NCAPG: variants seen among roughly 807,000 people sequenced by gnomAD.
NCAPG encodes the protein non-SMC condensin I complex subunit G.
A neutral mutation model predicts 113.1 loss-of-function variants in NCAPG; 69 were observed. The ratio of observed to expected loss-of-function variants is 0.61; its 90% CI spans 0.50 to 0.75. The LOEUF (loss-of-function observed/expected upper bound fraction) is 0.75. NCAPG is among the 30% of genes least tolerant of loss of function. The pLI, the probability that NCAPG is intolerant of heterozygous loss-of-function variation, is 0.00. For missense variants in NCAPG, 1,058 were observed against 1,177.0 expected, an observed-to-expected ratio of 0.90 and a Z score of 1.48; for synonymous variants, 370 against 415.8, an observed-to-expected ratio of 0.89 and a Z score of 1.34.
rs575974222 is a variant in NCAPG at position 17,811,065 on chromosome 4, G to A, written c.-13G>A. On this transcript the variant is annotated 5_prime_UTR_variant, in exon 1 of 21. Transcript: ENST00000251496. The surrounding 1 kb of genome is among the most constrained non-coding windows in gnomAD (Gnocchi z 5.3). Reference sequence around the variant, plus strand: ...AGCGCGGGCAGGACTCGTCCCGGCAGGGTTCCAGAGCCATGGGAGCGGAAA... The same window carrying A: ...AGCGCGGGCAGGACTCGTCCCGGCAAGGTTCCAGAGCCATGGGAGCGGAAA... 29 of 1,462,334 alleles carry A rather than the reference G, an allele frequency of 2.0e-5. No homozygotes were observed. The Admixed American group carries it at 7.2e-4, about 37-fold the overall frequency. The allele number at this position is 1,462,334 out of a possible 1,614,324, so 90.6% of individuals were successfully genotyped here. A position where few individuals can be genotyped will look rare whatever the true frequency, so the allele number is the denominator to read the frequency against.
intron 14 of NCAPG, among the ~76,000 whole-genome samples, chr4:17,834,957 G>A (rs1337401640): frequency 6.6e-5 from 10 of 152,136 alleles, no homozygotes; most frequent in Non-Finnish European, 1.0e-4. Flanking sequence ...TGATTAAAGT[G>A]GGTTGTTATT....
At chr4:17,819,549 G>A (rs1390125980) in intron 7 of NCAPG, among the ~76,000 whole-genome samples, 1 of 151,912 alleles carries the variant, frequency 6.6e-6, no homozygotes, top group African/African-American at 2.4e-5. Flanking sequence ...CTACAGGCAC[G>A]CGCCTCCATG....
At chr4:17,830,923 C>T in intron 12 of NCAPG, 74 bp from the exon 13 acceptor site, 1 of 1,450,862 alleles carries the variant, frequency 6.9e-7, no homozygotes, top group Non-Finnish European at 9.4e-7. Flanking sequence ...AAAAATGACA[C>T]CTTTGAGGTA....
intron 13 of NCAPG, 41 bp from the exon 14 acceptor site, chr4:17,834,258 T>A: frequency 7.7e-7 from 1 of 1,300,230 alleles, no homozygotes; most frequent in Non-Finnish European, 1.0e-6. Context: ...CAAAACAGTT[T>A]ACTGAATTTA....
In NCAPG at chr4:17,828,462, A is replaced by G. The variant is rs1721739539; in HGVS notation, c.1764+74A>G. 4 of 769,614 alleles carry G rather than the reference A, an allele frequency of 5.2e-6. No homozygotes were observed. The South Asian group carries it at 5.8e-5, about 11-fold the overall frequency. 47.7% of individuals were successfully genotyped at this position (769,614 alleles called of 1,614,324 possible). A position where few individuals can be genotyped will look rare whatever the true frequency, so the allele number is the denominator to read the frequency against. ...TTTGTAAGTGATATGTTCTTTAGAAATCAAAATAATGAAAAGATTACTGTC... is the reference window on the plus strand; with the variant it reads ...TTTGTAAGTGATATGTTCTTTAGAAGTCAAAATAATGAAAAGATTACTGTC... On this transcript the variant is annotated intron_variant, in intron 12 of 20. Transcript: ENST00000251496.
At chr4:17,827,368 G>A (rs1330885476) in intron 11 of NCAPG, among the ~76,000 whole-genome samples, 1 of 152,222 alleles carries the variant, frequency 6.6e-6, no homozygotes, top group Non-Finnish European at 1.5e-5. Context: ...GGATTGGAGA[G>A]TAGTAAAAGC....
chr4:17,836,439 AT>A, intron 14 of NCAPG, among the ~76,000 whole-genome samples: 1 of 152,114 alleles, frequency 6.6e-6, no homozygotes. Flanking sequence ...AACATTTTTA[AT>A]TTTGGAGATA....
At chr4:17,825,636 C>G (rs1348546972) in intron 11 of NCAPG, 75 bp downstream of exon 11, 1 of 1,280,708 alleles carries the variant, frequency 7.8e-7, no homozygotes, top group Non-Finnish European at 1.1e-6. Flanking sequence ...TCTCTAACTT[C>G]TAGAATTGCC....
Position 17,837,780 on chromosome 4 carries a change from C to G in NCAPG, c.2445C>G (p.Ala815=), listed in dbSNP as rs1344581651. 6.2e-7 allele frequency: 1 copy of G among 1,613,804 alleles called. No homozygotes were observed. ...GACCAAGTGGATTAAATCCTCAGGC[C>G]AAGACTTCCCAAGATTATCAGGTGA... ...LTRPSGLNPQ[A]KTSQDYQALT... The change falls in exon 16 of 21, where the codon GCC becomes GCG. Residue 815 remains alanine (A), a synonymous_variant. Coordinates refer to ENST00000251496, the MANE Select transcript of NCAPG (RefSeq NM_022346.5).
At position 17,823,173 on chromosome 4, in the gene NCAPG, T is replaced by C. The variant is rs188702654; in HGVS notation, c.1259+50T>C. On this transcript the variant is annotated intron_variant, in intron 8 of 20. Transcript: ENST00000251496. ...TCTAATTTGCCCTTCTAATTTCTTA[T>C]ATTGAAATATAGTCCTTTTACAATA... The C allele has an allele frequency of 1.3e-5, 19 of 1,507,352 alleles. 1 individual carries two copies. In the African/African-American group the frequency reaches 1.5e-4, roughly 12 times the overall value. The allele number at this position is 1,507,352 out of a possible 1,614,324, so 93.4% of individuals were successfully genotyped here.
In NCAPG at chr4:17,843,416, T is replaced by G. The variant is rs1722623444; in HGVS notation, c.3039T>G (p.Asp1013Glu). Residue 1013 changes from aspartate (D) to glutamate (E), a missense_variant, in exon 21 of 21, where the codon GAT (aspartate) becomes GAG (glutamate). By Grantham distance (45) the Asp-to-Glu change is conservative. Transcript: ENST00000251496. Reference protein sequence around the residue: ...KLNLAQFLNEDLS With the variant: ...KLNLAQFLNEELS ...ACCTTGCCCAATTTCTCAATGAAGA[T>G]CTAAGTTAGGAAAGACGATGGAGGT... The G allele has an allele frequency of 1.9e-6, 3 of 1,611,196 alleles. No individual in the cohort carries two copies. The highest frequency in any genetic ancestry group is 2.2e-5 in the South Asian group (2 of 90,970).
intron 3 of NCAPG, among the ~76,000 whole-genome samples, chr4:17,814,086 A>C (rs73242111): frequency 0.014 from 2,166 of 152,342 alleles, 19 homozygotes; most frequent in Non-Finnish European, 0.024. Context: ...AATAAAACCA[A>C]AAAATATTTC....
intron 11 of NCAPG, 75 bp downstream of exon 11, chr4:17,825,636 C>T (rs1348546972): frequency 7.8e-7 from 1 of 1,280,708 alleles, no homozygotes; most frequent in Non-Finnish European, 1.1e-6. Context: ...TCTCTAACTT[C>T]TAGAATTGCC....
intron 12 of NCAPG, 91 bp downstream of exon 12, chr4:17,828,479 A>T: frequency 1.6e-6 from 1 of 641,410 alleles, no homozygotes; most frequent in East Asian, 2.9e-5. Flanking sequence ...TAATGAAAAG[A>T]TTACTGTCTT....
In NCAPG at chr4:17,840,679, T is replaced by C; in HGVS notation, c.2840T>C (p.Leu947Pro). 1 of 1,549,422 alleles carries C rather than the reference T, an allele frequency of 6.5e-7. No homozygotes were observed. Among genetic ancestry groups the C allele is most frequent in the East Asian group, 2.4e-5 (1 of 42,234 alleles). ...KATQASKSTQ[L>P]KTNRGQRKVT... ...ACCCAAGCATCAAAGTCTACTCAGC[T>C]AAAGACTAACAGAGGTAGTGTGTGG... Residue 947 changes from leucine (L) to proline (P), a missense_variant, in exon 19 of 21, where the codon CTA (leucine) becomes CCA (proline). Coordinates refer to ENST00000251496, the MANE Select transcript of NCAPG (RefSeq NM_022346.5).
chr4:17,815,494 T>A, intron 5 of NCAPG, 136 bp downstream of exon 5: 1 of 617,598 alleles, frequency 1.6e-6, no homozygotes, highest in Non-Finnish European at 2.8e-6. Context: ...TATCTTGATG[T>A]ATTATATAGA....
intron 7 of NCAPG, among the ~76,000 whole-genome samples, chr4:17,820,743 T>G (rs1017278224): frequency 6.6e-6 from 1 of 152,216 alleles, no homozygotes; most frequent in Non-Finnish European, 1.5e-5. Flanking sequence ...AAAATTAAAT[T>G]GAAAAATTGT....
chr4:17,824,101 G>T (rs752817776), intron 9 of NCAPG, among the ~76,000 whole-genome samples: 1 of 152,070 alleles, frequency 6.6e-6, no homozygotes, highest in Non-Finnish European at 1.5e-5. Context: ...ACATACTAGG[G>T]TTTAGAATCT....
At chr4:17,831,931 A>T (rs1203606978) in intron 13 of NCAPG, among the ~76,000 whole-genome samples, 1 of 152,096 alleles carries the variant, frequency 6.6e-6, no homozygotes, top group Admixed American at 6.6e-5. Flanking sequence ...GGGTTTGGCA[A>T]ACCTTTTGTG....
Sources: gnomAD v4.1 joint callset for allele counts (sites outside exome capture counted in the v4.1 genomes callset) on GRCh38, gnomAD v4.1.1 for gene constraint, Gnocchi (gnomAD v3.1) non-coding constraint, MANE v1.5 for transcripts, NCBI Gene and HGNC (gene_info 2026-07-23, HGNC 2026-07-21) for gene names.